The following ARHGAP15 variants were observed in gnomAD, a reference collection of about 807,000 sequenced individuals.
ARHGAP15 encodes rho GTPase-activating protein 15.
A neutral mutation model predicts 63.7 loss-of-function variants in ARHGAP15; 51 were observed. The ratio of observed to expected loss-of-function variants is 0.80; its 90% CI spans 0.64 to 1.01. The LOEUF is 1.01. Ranked by LOEUF, ARHGAP15 falls within the 50% of genes least tolerant of loss-of-function variation. The pLI is 0.00. For synonymous variants in ARHGAP15, 191 were observed against 193.8 expected (o/e 0.99, Z 0.12); for missense variants, 560 against 564.6 (o/e 0.99, Z 0.08).
At chr2:143,698,882 C>T (rs745336064) in intron 12 of ARHGAP15, among the ~76,000 whole-genome samples, 8 of 152,108 alleles carry the variant, frequency 5.3e-5, no homozygotes, top group Non-Finnish European at 1.0e-4. Flanking sequence ...CTCCTCCCAC[C>T]AGTCATAATG....
chr2:143,141,568 AAG>A (rs1382760096), intron 1 of ARHGAP15, among the ~76,000 whole-genome samples: 2 of 152,072 alleles, frequency 1.3e-5, no homozygotes, highest in African/African-American at 4.8e-5. Context: ...GAGGGAGGAA[AAG>A]GGGAACTTGC....
rs1695805390 is a variant in ARHGAP15 at position 143,556,492 on chromosome 2, G to A, written c.1003+7G>A. 6.2e-7 allele frequency: 1 copy of A among 1,608,596 alleles called. No homozygotes were observed. On this transcript the variant is annotated splice_region_variant and intron_variant, in intron 11 of 13. Transcript: ENST00000295095. ...AGATTTATTGTCAACCAAGGTAAGT[G>A]ATTTCCACTTCAGAGATTTTTTCAA...
chr2:143,563,864 A>C (rs1016872334), intron 11 of ARHGAP15: 1 of 152,276 alleles, frequency 6.6e-6, no homozygotes, highest in Non-Finnish European at 1.5e-5. Context: ...TGTACTGCAT[A>C]TCTCCTGCTG....
rs77631323 is a variant in ARHGAP15, at chr2:143,202,165, A to G, written c.197A>G (p.His66Arg). The change falls in exon 3 of 14, where the codon CAT becomes CGT. Residue 66 changes from histidine (H) to arginine (R), a missense_variant. Coordinates refer to ENST00000295095, the MANE Select transcript of ARHGAP15 (RefSeq NM_018460.4). ...AGACACAGAAGGAATCATTCACAGC[A>G]TATCTTGAAAGATGTCATTCCTCCA... The part of the protein sequence containing the change: ...ISRHRRNHSQ[H>R]ILKDVIPPLE... 1.5e-4 allele frequency: 247 copies of G among 1,612,434 alleles called. 2 individuals are homozygous for G. The East Asian group carries it at 2.9e-3, about 19-fold the overall frequency.
At chr2:143,356,761 T>A (rs561191779) in intron 6 of ARHGAP15, among the ~76,000 whole-genome samples, 5 of 152,266 alleles carry the variant, frequency 3.3e-5, no homozygotes, top group African/African-American at 1.2e-4. Context: ...GATTTTCATG[T>A]TGAAATATGA....
intron 8 of ARHGAP15, among the ~76,000 whole-genome samples, chr2:143,485,977 C>G (rs1209877109): frequency 6.6e-6 from 1 of 152,140 alleles, no homozygotes; most frequent in African/African-American, 2.4e-5. Context: ...TTCTGTCATT[C>G]TCAGTCTTGA....
chr2:143,566,604 T>C (rs1201265272), intron 11 of ARHGAP15, among the ~76,000 whole-genome samples: 1 of 152,030 alleles, frequency 6.6e-6, no homozygotes, highest in Non-Finnish European at 1.5e-5. Flanking sequence ...TGTAGCTCTC[T>C]TCCGTCCTCA....
At chr2:143,322,901 C>T (rs1684088743) in intron 6 of ARHGAP15, among the ~76,000 whole-genome samples, 1 of 152,110 alleles carries the variant, frequency 6.6e-6, no homozygotes, top group African/African-American at 2.4e-5. Context: ...AACTTAATTC[C>T]TTATCTTTTA....
chr2:143,252,182 T>A (rs1275623347), intron 6 of ARHGAP15, among the ~76,000 whole-genome samples: 1 of 152,070 alleles, frequency 6.6e-6, no homozygotes, highest in South Asian at 2.1e-4. Flanking sequence ...AAGAGTTAAA[T>A]TAGTTCACAA....
chr2:143,252,005 C>G (rs556958182), intron 6 of ARHGAP15, among the ~76,000 whole-genome samples: 96 of 151,994 alleles, frequency 6.3e-4, no homozygotes, highest in African/African-American at 2.2e-3. Context: ...TGAAGTAGAC[C>G]GGGAAAGCTC....
At chr2:143,694,248 A>G (rs1388885624) in intron 12 of ARHGAP15, among the ~76,000 whole-genome samples, 1 of 152,214 alleles carries the variant, frequency 6.6e-6, no homozygotes, top group East Asian at 1.9e-4. Flanking sequence ...TAGGCTCAGC[A>G]GCTTTCTGGG....
chr2:143,731,271 C>G (rs1223716437), intron 13 of ARHGAP15, among the ~76,000 whole-genome samples: 2 of 152,122 alleles, frequency 1.3e-5, no homozygotes, highest in African/African-American at 4.8e-5. Context: ...ACTAATTATT[C>G]TAGGTCGTTA....
At chr2:143,516,966 T>G (rs1282990957) in intron 9 of ARHGAP15, among the ~76,000 whole-genome samples, 1 of 145,106 alleles carries the variant, frequency 6.9e-6, no homozygotes, top group Non-Finnish European at 1.5e-5. Context: ...TGGTGTTGTT[T>G]TGAGATGGAG....
At chr2:143,552,795 T>TTTTTAGCA (rs1695629108) in intron 10 of ARHGAP15, among the ~76,000 whole-genome samples, 1 of 152,310 alleles carries the variant, frequency 6.6e-6, no homozygotes, top group Non-Finnish European at 1.5e-5. Flanking sequence ...TCCCAAAGTA[T>TTTTTAGCA]TTTTAGCATA....
At chr2:143,236,006 C>T (rs762843151) in intron 5 of ARHGAP15, 1 of 1,538,072 alleles carries the variant, frequency 6.5e-7, no homozygotes, top group South Asian at 1.2e-5. Context: ...GGCAAATCTC[C>T]ATTTTTGGTT....
intron 6 of ARHGAP15, among the ~76,000 whole-genome samples, chr2:143,258,715 C>A (rs1315947856): frequency 6.6e-6 from 1 of 152,096 alleles, no homozygotes. Flanking sequence ...TGTTTGAACT[C>A]TTTTCAGATA....
chr2:143,570,446 G>T (rs929546430), intron 11 of ARHGAP15, among the ~76,000 whole-genome samples: 2 of 152,176 alleles, frequency 1.3e-5, no homozygotes, highest in African/African-American at 2.4e-5. Flanking sequence ...TTTCTTAAGG[G>T]CAGAGTTCAT....
chr2:143,701,642 G>C (rs757998250), intron 12 of ARHGAP15, among the ~76,000 whole-genome samples: 14 of 152,106 alleles, frequency 9.2e-5, no homozygotes, highest in Non-Finnish European at 1.5e-4. Flanking sequence ...GAGGCAGGAG[G>C]ATAGCTTGAG....
chr2:143,303,050 A>AT (rs1682981843), intron 6 of ARHGAP15, among the ~76,000 whole-genome samples: 2 of 152,120 alleles, frequency 1.3e-5, no homozygotes, highest in South Asian at 4.1e-4. Flanking sequence ...ACCTAAACCC[A>AT]TAAAAACCCT....
Sources: gnomAD v4.1 joint callset for allele counts (sites outside exome capture counted in the v4.1 genomes callset) on GRCh38, gnomAD v4.1.1 for gene constraint, MANE v1.5 for transcripts, NCBI Gene and HGNC (gene_info 2026-07-23, HGNC 2026-07-21) for gene names.